The following AKAP11 variants were observed in gnomAD, a reference collection of about 807,000 sequenced individuals.
The protein encoded by AKAP11 is A-kinase anchoring protein 11, also known as A-kinase anchor protein 11.
AKAP11 carries 36 observed loss-of-function variants against 146.1 expected under a neutral mutation model. The observed-to-expected ratio is 0.25, with a 90% CI of 0.19 to 0.33. The LOEUF is 0.33. Ranked by LOEUF, AKAP11 falls within the 10% of genes least tolerant of loss-of-function variation. AKAP11 has a pLI of 1.00. For missense variants in AKAP11, 2,201 were observed against 2,197.0 expected (o/e 1.00, Z -0.04); for synonymous variants, 780 against 786.5 (o/e 0.99, Z 0.14).
intron 4 of AKAP11, 68 bp from the exon 5 acceptor site, chr13:42,295,627 C>T (rs1013209279): frequency 1.1e-5 from 15 of 1,427,700 alleles, no homozygotes; most frequent in Admixed American, 1.7e-5. Context: ...TCCTGTTTGT[C>T]AGCTCTGTCA....
At position 42,319,587 on chromosome 13, in the gene AKAP11, G is replaced by C; in HGVS notation, c.*359G>C. On this transcript the variant is annotated 3_prime_UTR_variant, in exon 13 of 13. Coordinates refer to ENST00000025301, the MANE Select transcript of AKAP11 (RefSeq NM_016248.4). ...ACTGCACTGAAGTGGCTGAGGATAG[G>C]TTCCAGTGATAGAGTTATAATTTTG... The C allele has an allele frequency of 5.9e-6, 1 of 168,976 alleles. No individual in the cohort carries two copies. Among genetic ancestry groups the C allele is most frequent in the East Asian group, 1.6e-4 (1 of 6,170 alleles). 10.5% of individuals were successfully genotyped at this position (168,976 alleles called of 1,614,324 possible).
intron 1 of AKAP11, among the ~76,000 whole-genome samples, chr13:42,279,044 C>CTTTTTTTCTGGTCAATTAAT (rs1172430579): frequency 2.6e-5 from 4 of 151,530 alleles, no homozygotes; most frequent in African/African-American, 9.7e-5. Flanking sequence ...ATAATGTGTA[C>CTTTTTTTCTGGTCAATTAAT]TTTTTTTCTG....
In AKAP11 at chr13:42,302,101, A is replaced by G. The variant is rs1959955566; in HGVS notation, c.3355A>G (p.Lys1119Glu). ...SRASSEWDIK[K>E]LTKKLKGELA... ...GGCTAGTTCTGAATGGGATATCAAG[A>G]AGTTAACTAAAAAGCTCAAGGGAGA... The change falls in exon 8 of 13, where the codon AAG (lysine) becomes GAG (glutamate). Residue 1119 changes from lysine (K) to glutamate (E), a missense_variant. Lys to Glu is a moderately conservative substitution (Grantham distance 56). Around this residue, in one of 3 missense-constraint regions of AKAP11, gnomAD observed 1,867 missense variants for 1,833.5 expected, o/e 1.02. Transcript: ENST00000025301. 1 of 1,614,178 alleles carries G rather than the reference A, an allele frequency of 6.2e-7. No homozygotes were observed. Among genetic ancestry groups the G allele is most frequent in the Non-Finnish European group, 8.5e-7 (1 of 1,180,012 alleles).
At chr13:42,285,856 T>G (rs1959158184) in intron 1 of AKAP11, 130 bp from the exon 2 acceptor site, 1 of 152,402 alleles carries the variant, frequency 6.6e-6, no homozygotes, top group Admixed American at 6.5e-5. Flanking sequence ...GAAATAAGAA[T>G]GTCAAGAGCA....
chr13:42,303,178 G>T lies in AKAP11; in HGVS notation c.4432G>T (p.Val1478Phe). 1 of 1,614,178 alleles carries T rather than the reference G, an allele frequency of 6.2e-7. No homozygotes were observed. Among genetic ancestry groups the T allele is most frequent in the Non-Finnish European group, 8.5e-7 (1 of 1,180,024 alleles). The change falls in exon 8 of 13, where the codon GTT becomes TTT. Residue 1478 changes from valine (V) to phenylalanine (F), a missense_variant. Coordinates refer to ENST00000025301, the MANE Select transcript of AKAP11 (RefSeq NM_016248.4). ...DAKEELTASLVGLPKSLTDSC... is the reference protein window; with the variant it reads ...DAKEELTASLFGLPKSLTDSC... The stretch of plus-strand genomic sequence containing the variant: ...TAAGGAAGAGTTGACAGCCTCTCTA[G>T]TTGGCCTACCAAAATCCTTAACAGA...
intron 1 of AKAP11, among the ~76,000 whole-genome samples, chr13:42,280,895 A>T (rs1360789864): frequency 6.6e-6 from 1 of 152,214 alleles, no homozygotes; most frequent in African/African-American, 2.4e-5. Context: ...GGTAGTCTGT[A>T]GGAATTGAGG....
intron 1 of AKAP11, among the ~76,000 whole-genome samples, chr13:42,274,625 C>T (rs971623499): frequency 6.6e-6 from 1 of 150,422 alleles, no homozygotes; most frequent in Non-Finnish European, 1.5e-5. Context: ...TGGGAGATTG[C>T]AGTGAGCCGA....
chr13:42,288,252 A>AT (rs1959181064), intron 3 of AKAP11, among the ~76,000 whole-genome samples: 1 of 152,250 alleles, frequency 6.6e-6, no homozygotes, highest in Non-Finnish European at 1.5e-5. Context: ...AAAATTAAAA[A>AT]TAGCTATAGT....
intron 9 of AKAP11, among the ~76,000 whole-genome samples, chr13:42,311,811 A>G (rs1230324525): frequency 6.6e-6 from 1 of 152,164 alleles, no homozygotes; most frequent in African/African-American, 2.4e-5. Context: ...AGTTTATCTG[A>G]CAATGAACTA....
chr13:42,315,203 A>G (rs1474291405), intron 11 of AKAP11, among the ~76,000 whole-genome samples: 1 of 152,184 alleles, frequency 6.6e-6, no homozygotes, highest in Non-Finnish European at 1.5e-5. Flanking sequence ...TGTTTAGGGA[A>G]GTCACATCCC....
chr13:42,316,083 C>CCATG (rs1566294341), intron 11 of AKAP11, among the ~76,000 whole-genome samples: 1 of 152,098 alleles, frequency 6.6e-6, no homozygotes, highest in African/African-American at 2.4e-5. Flanking sequence ...ATGCCTTGTA[C>CCATG]CATGGTATGC....
chr13:42,290,589 T>A (rs1023877500), intron 3 of AKAP11, among the ~76,000 whole-genome samples: 3 of 152,206 alleles, frequency 2.0e-5, no homozygotes, highest in Non-Finnish European at 2.9e-5. Context: ...ATTCTGTCCA[T>A]ACTAGCCAGC....
chr13:42,273,685 G>A (rs1260527349), intron 1 of AKAP11, among the ~76,000 whole-genome samples: 1 of 152,196 alleles, frequency 6.6e-6, no homozygotes, highest in Non-Finnish European at 1.5e-5. Context: ...TGGAACCATA[G>A]TGAGAAATTC....
rs1353768969 is a variant in AKAP11, at chr13:42,302,141, T to G, written c.3395T>G (p.Phe1132Cys). 6.2e-7 allele frequency: 1 copy of G among 1,614,180 alleles called. No homozygotes were observed. The highest frequency in any genetic ancestry group is 1.7e-5 in the Admixed American group (1 of 60,026). ...KKLKGELAKE[F>C]APATPPSTPH... ...CTCAAGGGAGAATTAGCCAAAGAGT[T>G]TGCACCTGCTACACCACCTTCTACT... The change falls in exon 8 of 13, where the codon TTT (phenylalanine) becomes TGT (cysteine). Residue 1132 changes from phenylalanine to cysteine, a missense_variant. Transcript: ENST00000025301.
intron 8 of AKAP11, among the ~76,000 whole-genome samples, chr13:42,305,000 C>T (rs1468597044): frequency 6.6e-6 from 1 of 152,202 alleles, no homozygotes; most frequent in African/African-American, 2.4e-5. Context: ...ATCTGCCCAC[C>T]TCAGCTTCCC....
chr13:42,285,040 A>G (rs1305084964), intron 1 of AKAP11, among the ~76,000 whole-genome samples: 2 of 152,262 alleles, frequency 1.3e-5, no homozygotes, highest in Non-Finnish European at 2.9e-5. Context: ...CTATAGTCTT[A>G]TCTGCATAGC....
At position 42,303,397 on chromosome 13, in the gene AKAP11, A is replaced by G. The variant is rs780526760; in HGVS notation, c.4651A>G (p.Thr1551Ala). 1.2e-6 allele frequency: 2 copies of G among 1,613,892 alleles called. No individual in the cohort carries two copies. The highest frequency in any genetic ancestry group is 1.7e-6 in the Non-Finnish European group (2 of 1,179,978). ...GTATGCCAAAAAAGTAGTGGATGACACTCTAGAGCTAACTCTAGGATCTAC... is the reference window on the plus strand; with the variant it reads ...GTATGCCAAAAAAGTAGTGGATGACGCTCTAGAGCTAACTCTAGGATCTAC... ...EQYAKKVVDD[T>A]LELTLGSTVF... Residue 1551 changes from threonine (T) to alanine (A), a missense_variant, in exon 8 of 13, where the codon ACT (threonine) becomes GCT (alanine). This residue lies in a region of AKAP11 where 1,867 missense variants were observed against 1,833.5 expected (regional missense o/e 1.02). Transcript: ENST00000025301.
In AKAP11 at chr13:42,302,554, G is replaced by A. The variant is rs754482575; in HGVS notation, c.3808G>A (p.Glu1270Lys). The A allele has an allele frequency of 6.2e-7, 1 of 1,614,152 alleles. No individual in the cohort carries two copies. The highest frequency in any genetic ancestry group is 1.1e-5 in the South Asian group (1 of 91,072). ...TGATCTGGCAGCAGAAGTCATTACA[G>A]AAGCTGAGAAAATAGCAAAAGTCCG... Reference protein sequence around the residue: ...AGDLAAEVITEAEKIAKVRNC... With the variant: ...AGDLAAEVITKAEKIAKVRNC... Residue 1270 changes from glutamate (E) to lysine (K), a missense_variant, in exon 8 of 13, where the codon GAA becomes AAA. Physicochemically the swap from Glu to Lys is moderately conservative, Grantham distance 56. Transcript: ENST00000025301.
At position 42,321,698 on chromosome 13, in the gene AKAP11, G is replaced by A. The variant is rs1594370379; in HGVS notation, c.*2470G>A. 1 of 152,360 alleles carries A rather than the reference G, an allele frequency of 6.6e-6. No individual in the cohort carries two copies. Among genetic ancestry groups the A allele is most frequent in the Non-Finnish European group, 1.5e-5 (1 of 67,960 alleles). The allele number at this position is 152,360 out of a possible 1,614,324, so 9.4% of individuals were successfully genotyped here. Reference sequence around the variant, plus strand: ...AAAGATGTTCTAGATCTATTTGGTTGCTCTATAGTCAAACAGCTCTTTTGA... The same window carrying A: ...AAAGATGTTCTAGATCTATTTGGTTACTCTATAGTCAAACAGCTCTTTTGA... On this transcript the variant is annotated 3_prime_UTR_variant, in exon 13 of 13. Transcript: ENST00000025301.
Sources: allele counts gnomAD v4.1 joint callset (sites outside exome capture counted in the v4.1 genomes callset), GRCh38; gene constraint gnomAD v4.1.1; regional missense constraint gnomAD v4.1.1; transcripts MANE v1.5; gene names NCBI Gene and HGNC (gene_info 2026-07-23, HGNC 2026-07-21).